Variants in PTPRM observed in about 807,000 individuals in gnomAD.
The protein encoded by PTPRM is protein tyrosine phosphatase receptor type M.
In PTPRM, 47 loss-of-function variants were observed where a neutral mutation model predicts 186.7. The observed-to-expected ratio is 0.25, with a 90% CI of 0.20 to 0.32. The LOEUF is 0.32. Ranked by LOEUF, PTPRM falls within the 10% of genes least tolerant of loss-of-function variation. PTPRM has a pLI of 1.00. For missense variants in PTPRM, 1,494 were observed against 1,865.0 expected (o/e 0.80, Z 3.66); for synonymous variants, 668 against 674.9 (o/e 0.99, Z 0.16).
intron 14 of PTPRM, among the ~76,000 whole-genome samples, chr18:8,186,671 C>CTCCACCATGAGACTCCGGGGG (rs1470486056): frequency 6.6e-6 from 1 of 152,200 alleles, no homozygotes; most frequent in Non-Finnish European, 1.5e-5. Context: ...GGCTGAGAGA[C>CTCCACCATGAGACTCCGGGGG]TCCACCATGT....
chr18:8,382,282 G>T (rs2095742028), intron 29 of PTPRM, among the ~76,000 whole-genome samples: 1 of 152,172 alleles, frequency 6.6e-6, no homozygotes, highest in Admixed American at 6.5e-5. Context: ...AGAGGCAAGT[G>T]CAACCCACGT....
At chr18:8,219,688 T>G (rs2094132757) in intron 14 of PTPRM, among the ~76,000 whole-genome samples, 1 of 152,298 alleles carries the variant, frequency 6.6e-6, no homozygotes, top group South Asian at 2.1e-4. Context: ...AGTCAATAGA[T>G]GGATTCAGAG....
chr18:8,143,545 A>C, intron 13 of PTPRM, 102 bp from the exon 14 acceptor site: 2 of 1,225,258 alleles, frequency 1.6e-6, no homozygotes, highest in Non-Finnish European at 2.3e-6. Flanking sequence ...TGGCTCTGAT[A>C]AGTCTTATTA....
intron 1 of PTPRM, among the ~76,000 whole-genome samples, chr18:7,588,856 A>G (rs1038627951): frequency 2.6e-5 from 4 of 152,158 alleles, no homozygotes; most frequent in African/African-American, 7.2e-5. Context: ...AAAACCCTCA[A>G]TCTCTAGTAC....
intron 19 of PTPRM, among the ~76,000 whole-genome samples, chr18:8,263,816 T>A (rs1384373821): frequency 6.6e-6 from 1 of 152,248 alleles, no homozygotes; most frequent in Non-Finnish European, 1.5e-5. Context: ...GCATGGAAGC[T>A]TGGCGTCCTG....
intron 1 of PTPRM, among the ~76,000 whole-genome samples, chr18:7,662,004 A>C (rs2038991041): frequency 6.6e-6 from 1 of 152,122 alleles, no homozygotes; most frequent in African/African-American, 2.4e-5. Flanking sequence ...TGCAGCCTTG[A>C]GTTCCTGGAG....
In PTPRM at chr18:8,118,811, A is replaced by AATATAT. The variant is rs1555749529; in HGVS notation, c.2167+4001_2167+4006dup. Among the ~76,000 whole-genome samples the AATATAT allele has an allele frequency of 4.5e-4, 58 of 128,370 alleles. No homozygotes were observed. In the Middle Eastern group the frequency reaches 0.013, roughly 29 times the overall value. The allele number at this position is 128,370 out of a possible 152,430, so 84.2% of individuals were successfully genotyped here. A position where few individuals can be genotyped will look rare whatever the true frequency, so the allele number is the denominator to read the frequency against. On this transcript the variant is annotated intron_variant, in intron 13 of 32. Transcript: ENST00000580170. ...TGACATTCCATCTCAAAAAAAAAAA[A>AATATAT]ATATATATATATATATATATATGAG...
At chr18:7,811,933 C>A (rs1202671192) in intron 2 of PTPRM, among the ~76,000 whole-genome samples, 3 of 152,004 alleles carry the variant, frequency 2.0e-5, no homozygotes, top group Non-Finnish European at 4.4e-5. Flanking sequence ...AGATTAATAC[C>A]CAGAATTACT....
intron 7 of PTPRM, among the ~76,000 whole-genome samples, chr18:8,030,769 G>T (rs1568215987): frequency 6.6e-6 from 1 of 152,096 alleles, no homozygotes; most frequent in Non-Finnish European, 1.5e-5. Flanking sequence ...ACGGTGACAG[G>T]TACACAGTAG....
At chr18:8,047,515 T>C (rs2148227901) in intron 7 of PTPRM, among the ~76,000 whole-genome samples, 1 of 152,286 alleles carries the variant, frequency 6.6e-6, no homozygotes, top group Non-Finnish European at 1.5e-5. Flanking sequence ...TTGTTTTATA[T>C]CAGTCACACA....
chr18:8,369,247 G>A lies in PTPRM; in HGVS notation c.3055-1643G>A, dbSNP rs558419610. Among the ~76,000 whole-genome samples the A allele has an allele frequency of 6.6e-5, 10 of 152,312 alleles. 1 individual carries two copies. The Middle Eastern group carries it at 0.014, about 207-fold the overall frequency. On this transcript the variant is annotated intron_variant, in intron 23 of 32. Coordinates refer to ENST00000580170, the MANE Select transcript of PTPRM (RefSeq NM_001105244.2). The stretch of plus-strand genomic sequence containing the variant: ...TGGTTGGGGCCATATTTAAAAACTC[G>A]TTCTTACCTGCCTGGCCAAATAATT...
chr18:8,361,015 A>C (rs1213676356), intron 23 of PTPRM: 1 of 152,200 alleles, frequency 6.6e-6, no homozygotes, highest in East Asian at 1.9e-4. Context: ...TGTGCAGTCA[A>C]GGATTGGGCA....
rs901130164 is a variant in PTPRM, at chr18:8,043,522, T to G, written c.1133-26164T>G. 3.9e-5 allele frequency among the ~76,000 whole-genome samples: 6 copies of G among 152,138 alleles called. No homozygotes were observed. The East Asian group carries it at 1.2e-3, about 29-fold the overall frequency. Reference sequence around the variant, plus strand: ...GTTTACATTAGAAATGAGACTTGAGTGTACTGATGCTGTTTTTTTGAGGTA... The same window carrying G: ...GTTTACATTAGAAATGAGACTTGAGGGTACTGATGCTGTTTTTTTGAGGTA... On this transcript the variant is annotated intron_variant, in intron 7 of 32. Coordinates refer to ENST00000580170, the MANE Select transcript of PTPRM (RefSeq NM_001105244.2).
At chr18:7,998,908 G>C (rs1015830008) in intron 7 of PTPRM, among the ~76,000 whole-genome samples, 1 of 152,128 alleles carries the variant, frequency 6.6e-6, no homozygotes, top group African/African-American at 2.4e-5. Context: ...ACCCGCCTTG[G>C]CCTCCCAAAC....
chr18:7,776,152 G>T (rs1281903726), intron 2 of PTPRM, among the ~76,000 whole-genome samples: 1 of 152,200 alleles, frequency 6.6e-6, no homozygotes, highest in Non-Finnish European at 1.5e-5. Flanking sequence ...GTTTTCTTAT[G>T]ATTTATTCTT....
intron 9 of PTPRM, among the ~76,000 whole-genome samples, chr18:8,077,992 T>C (rs931338238): frequency 2.0e-5 from 3 of 152,204 alleles, no homozygotes; most frequent in African/African-American, 7.2e-5. Flanking sequence ...ATCTAAATAC[T>C]ACTACAATGG....
intron 5 of PTPRM, among the ~76,000 whole-genome samples, chr18:7,926,929 T>C (rs2051207048): frequency 6.6e-6 from 1 of 152,166 alleles, no homozygotes; most frequent in African/African-American, 2.4e-5. Flanking sequence ...GATTGTCAAA[T>C]TACTTATATG....
Position 7,946,698 on chromosome 18 carries a change from AACAC to A in PTPRM, c.664-2477_664-2474del, listed in dbSNP as rs2052546556. 2.0e-5 allele frequency among the ~76,000 whole-genome samples: 3 copies of A among 152,312 alleles called. No individual in the cohort carries two copies. In the South Asian group the frequency reaches 6.2e-4, roughly 32 times the overall value. On this transcript the variant is annotated intron_variant, in intron 5 of 32. Transcript: ENST00000580170. The stretch of plus-strand genomic sequence containing the variant: ...CAAATTTAGGGCATTTAGTGAAAAA[AACAC>A]ACACAGACTTATGTGGGACTTTATT...
intron 14 of PTPRM, among the ~76,000 whole-genome samples, chr18:8,182,844 G>A (rs543462297): frequency 6.6e-6 from 1 of 152,322 alleles, no homozygotes; most frequent in African/African-American, 2.4e-5. Flanking sequence ...GCCCCCAAGT[G>A]CTGTGACTGC....
Sources: allele counts gnomAD v4.1 joint callset (sites outside exome capture counted in the v4.1 genomes callset), GRCh38; gene constraint gnomAD v4.1.1; transcripts MANE v1.5; gene names NCBI Gene and HGNC (gene_info 2026-07-23, HGNC 2026-07-21).